Variants in CRHR1 observed in about 807,000 individuals in gnomAD.
CRHR1 encodes the protein corticotropin-releasing hormone receptor 1.
Under a neutral mutation model 56.0 loss-of-function variants are expected in CRHR1, and 28 were observed. The ratio of observed to expected loss-of-function variants is 0.50; its 90% CI spans 0.37 to 0.69. CRHR1 has a LOEUF of 0.69. CRHR1 is among the 30% of genes least tolerant of loss of function. The pLI is 0.00. For missense variants in CRHR1, 376 were observed against 548.0 expected, an observed-to-expected ratio of 0.69 and a Z score of 3.13; for synonymous variants, 195 against 216.5, an observed-to-expected ratio of 0.90 and a Z score of 0.87.
intron 1 of CRHR1, among the ~76,000 whole-genome samples, chr17:45,793,591 C>A (rs1244853770): frequency 6.6e-6 from 1 of 152,198 alleles, no homozygotes; most frequent in African/African-American, 2.4e-5. Context: ...CCCTCCAGCT[C>A]CCTGTGAGTC....
chr17:45,796,566 G>A (rs137933776), intron 1 of CRHR1, among the ~76,000 whole-genome samples: 7 of 152,358 alleles, frequency 4.6e-5, no homozygotes, highest in African/African-American at 1.7e-4. Flanking sequence ...AGGGGCAGGA[G>A]CATGGCTCCA....
At chr17:45,823,324 G>A (rs751704255) in intron 4 of CRHR1, among the ~76,000 whole-genome samples, 1 of 150,768 alleles carries the variant, frequency 6.6e-6, no homozygotes, top group Non-Finnish European at 1.5e-5. Flanking sequence ...AGTGCGACCC[G>A]TTCACACTAC....
At chr17:45,789,886 T>A (rs141703224) in intron 1 of CRHR1, among the ~76,000 whole-genome samples, 157 of 152,358 alleles carry the variant, frequency 1.0e-3, no homozygotes, top group African/African-American at 3.2e-3. Context: ...CTTTATGGCA[T>A]AATCATAATG....
chr17:45,792,444 G>A (rs576922988), intron 1 of CRHR1, among the ~76,000 whole-genome samples: 1 of 152,270 alleles, frequency 6.6e-6, no homozygotes, highest in South Asian at 2.1e-4. Flanking sequence ...GAAAGAACCT[G>A]ATGCTCCCCT....
chr17:45,787,610 C>T (rs1313100166), intron 1 of CRHR1, among the ~76,000 whole-genome samples: 2 of 152,226 alleles, frequency 1.3e-5, no homozygotes, highest in African/African-American at 2.4e-5. Flanking sequence ...TGTCTGGGCA[C>T]AGCTGTGGCC....
At chr17:45,822,305 A>T (rs1192803725) in intron 4 of CRHR1, among the ~76,000 whole-genome samples, 4 of 152,242 alleles carry the variant, frequency 2.6e-5, no homozygotes, top group African/African-American at 9.6e-5. Flanking sequence ...TGCAATGAAT[A>T]ATCTTTGAAG....
At chr17:45,798,382 C>CAGGTG (rs1295514122) in intron 1 of CRHR1, among the ~76,000 whole-genome samples, 1 of 152,010 alleles carries the variant, frequency 6.6e-6, no homozygotes. Context: ...AAAAATTAGC[C>CAGGTG]AGGTGTGATG....
At chr17:45,793,496 G>A (rs1183655987) in intron 1 of CRHR1, among the ~76,000 whole-genome samples, 3 of 152,226 alleles carry the variant, frequency 2.0e-5, no homozygotes, top group South Asian at 2.1e-4. Flanking sequence ...CTGGTCATGA[G>A]GCAGGAGTAG....
At chr17:45,811,914 G>C (rs2061832173) in intron 2 of CRHR1, among the ~76,000 whole-genome samples, 1 of 152,052 alleles carries the variant, frequency 6.6e-6, no homozygotes, top group South Asian at 2.1e-4. Context: ...ATGAGGACAG[G>C]GCATTTATTT....
At chr17:45,830,718 TG>T (rs2062286453) in intron 7 of CRHR1, 148 bp downstream of exon 7, 2 of 1,217,042 alleles carry the variant, frequency 1.6e-6, no homozygotes, top group Non-Finnish European at 2.3e-6. Flanking sequence ...CTGCTCCTCT[TG>T]GGGGTGGGCG....
chr17:45,826,378 G>A (rs1282540118), intron 4 of CRHR1: 1 of 152,296 alleles, frequency 6.6e-6, no homozygotes, highest in African/African-American at 2.4e-5. Flanking sequence ...GGATGTATTT[G>A]TCTCAGGGTA....
chr17:45,806,128 C>T (rs1187163438), intron 1 of CRHR1, among the ~76,000 whole-genome samples: 12 of 152,160 alleles, frequency 7.9e-5, no homozygotes, highest in African/African-American at 2.9e-4. Context: ...GCTAGACACT[C>T]GGCCTCTCTC....
chr17:45,821,503 T>A, intron 4 of CRHR1, 63 bp downstream of exon 4: 3 of 1,462,566 alleles, frequency 2.1e-6, no homozygotes, highest in Non-Finnish European at 2.8e-6. Flanking sequence ...AGCAGAGTTT[T>A]GTGCCTGCTA....
intron 4 of CRHR1, among the ~76,000 whole-genome samples, chr17:45,823,385 G>T (rs1277107712): frequency 1.3e-5 from 2 of 150,546 alleles, no homozygotes; most frequent in East Asian, 3.9e-4. Context: ...ACAAGGTCAC[G>T]TGGCTCTGGG....
rs56284150 is a variant in CRHR1, at chr17:45,822,849, T to TA, written c.327+1419dup. ...CTGGGCAAAAAGAGCGAAATTCCATTAAAAAAAAAAGTGGGGCCAAGTGCG... is the reference window on the plus strand; with the variant it reads ...CTGGGCAAAAAGAGCGAAATTCCATTAAAAAAAAAAAGTGGGGCCAAGTGCG... On this transcript the variant is annotated intron_variant, in intron 4 of 12. Transcript: ENST00000314537. 5.7e-3 allele frequency among the ~76,000 whole-genome samples: 747 copies of TA among 131,142 alleles called. 6 individuals are homozygous for TA. The highest frequency in any genetic ancestry group is 0.02 in the African/African-American group (683 of 34,002). The allele number at this position is 131,142 out of a possible 152,430, so 86.0% of individuals were successfully genotyped here. A position where few individuals can be genotyped will look rare whatever the true frequency, so the allele number is the denominator to read the frequency against.
chr17:45,811,753 A>T (rs926739833), intron 2 of CRHR1, among the ~76,000 whole-genome samples: 1 of 152,120 alleles, frequency 6.6e-6, no homozygotes, highest in Non-Finnish European at 1.5e-5. Context: ...TATCTGCTTA[A>T]ATGGTAGTAC....
chr17:45,808,496 CACCTTGCCCA>C (rs1034052112), intron 2 of CRHR1, among the ~76,000 whole-genome samples: 37 of 152,228 alleles, frequency 2.4e-4, no homozygotes, highest in Admixed American at 2.4e-3. Context: ...TCTTGAACCT[CACCTTGCCCA>C]AGTGTAGAGG....
Position 45,830,950 on chromosome 17 carries a change from C to T in CRHR1, c.770+10C>T. 2 of 1,613,644 alleles carry T rather than the reference C, an allele frequency of 1.2e-6. No homozygotes were observed. The highest frequency in any genetic ancestry group is 1.7e-6 in the Non-Finnish European group (2 of 1,179,704). On this transcript the variant is annotated intron_variant, in intron 8 of 12. Transcript: ENST00000314537. Reference sequence around the variant, plus strand: ...ACTACGACAATGAGAAGTAAGTCATCTCCTTTCCCTTCCTGACCCCAAGGT... The same window carrying T: ...ACTACGACAATGAGAAGTAAGTCATTTCCTTTCCCTTCCTGACCCCAAGGT...
intron 10 of CRHR1, 21 bp from the exon 11 acceptor site, chr17:45,833,693 T>TGGGGGGGGGGGC: frequency 1.7e-5 from 26 of 1,571,554 alleles, no homozygotes; most frequent in African/African-American, 2.7e-5. Flanking sequence ...ACTCCGAGCC[T>TGGGGGGGGGGGC]CCCCACCCGC....
Sources: gnomAD v4.1 joint callset for allele counts (sites outside exome capture counted in the v4.1 genomes callset) on GRCh38, gnomAD v4.1.1 for gene constraint, MANE v1.5 for transcripts, NCBI Gene and HGNC (gene_info 2026-07-23, HGNC 2026-07-21) for gene names.